The following FAM135A variants were observed in gnomAD, a reference collection of about 807,000 sequenced individuals.
FAM135A encodes the protein protein FAM135A.
A neutral mutation model predicts 146.8 loss-of-function variants in FAM135A; 79 were observed. That is an observed-to-expected ratio of 0.54 (90% CI 0.45 to 0.65). The LOEUF is 0.65. FAM135A is among the 30% of genes least tolerant of loss of function. The pLI, the probability that FAM135A is intolerant of heterozygous loss-of-function variation, is 0.00. For synonymous variants in FAM135A, 562 were observed against 603.6 expected (o/e 0.93, Z 1.01); for missense variants, 1,623 against 1,758.2 (o/e 0.92, Z 1.38).
intron 12 of FAM135A, among the ~76,000 whole-genome samples, chr6:70,521,042 GTCTTTGTTTCCTCACC>G (rs1793457602): frequency 6.6e-6 from 1 of 152,140 alleles, no homozygotes; most frequent in South Asian, 2.1e-4. Flanking sequence ...ACCTCTTTGT[GTCTTTGTTTCCTCACC>G]TATTAAATGA....
At position 70,533,815 on chromosome 6, in the gene FAM135A, A is replaced by G; in HGVS notation, c.3926A>G (p.Gln1309Arg). The part of the protein sequence containing the change: ...MTDRLLDEII[Q>R]YIQIYSLTVS... ...GATCGTCTTTTGGATGAGATAATAC[A>G]GTATATTCAGATATATAGTCTAACA... Residue 1309 changes from glutamine (Q) to arginine (R), a missense_variant, in exon 18 of 22, where the codon CAG becomes CGG. Physicochemically the swap from Gln to Arg is conservative, Grantham distance 43. Transcript: ENST00000418814. 1.3e-6 allele frequency: 2 copies of G among 1,574,202 alleles called. No homozygotes were observed. The highest frequency in any genetic ancestry group is 1.2e-5 in the South Asian group (1 of 81,890).
intron 4 of FAM135A, among the ~76,000 whole-genome samples, chr6:70,433,467 G>T (rs1036152731): frequency 6.6e-6 from 1 of 151,856 alleles, no homozygotes; most frequent in Non-Finnish European, 1.5e-5. Flanking sequence ...AGGACATAAG[G>T]CCATCCTTGT....
chr6:70,422,931 T>A (rs2127727598), intron 2 of FAM135A, among the ~76,000 whole-genome samples: 1 of 152,234 alleles, frequency 6.6e-6, no homozygotes, highest in South Asian at 2.1e-4. Context: ...ATTTAGTATG[T>A]TAGGTGGGGA....
intron 5 of FAM135A, among the ~76,000 whole-genome samples, chr6:70,462,763 A>G (rs1018181277): frequency 3.9e-5 from 6 of 152,186 alleles, no homozygotes; most frequent in African/African-American, 1.2e-4. Flanking sequence ...GCTTTTAGGT[A>G]GGTGATAGCA....
intron 20 of FAM135A, among the ~76,000 whole-genome samples, chr6:70,546,362 G>T (rs1041683243): frequency 6.6e-6 from 1 of 152,132 alleles, no homozygotes; most frequent in Non-Finnish European, 1.5e-5. Context: ...TCTGAACAGC[G>T]AATTTTCCGT....
intron 12 of FAM135A, among the ~76,000 whole-genome samples, chr6:70,508,829 A>T (rs2747707): frequency 0.02 from 3,085 of 152,336 alleles, 55 homozygotes; most frequent in Non-Finnish European, 0.029. Context: ...ATATAAGTAT[A>T]TCTGGTGCAA....
At chr6:70,517,670 C>T (rs1252584427) in intron 12 of FAM135A, among the ~76,000 whole-genome samples, 4 of 152,084 alleles carry the variant, frequency 2.6e-5, no homozygotes, top group East Asian at 1.9e-4. Context: ...CCACCTGCCT[C>T]GGCCTCCCAT....
At chr6:70,431,299 C>G (rs1446948668) in intron 4 of FAM135A, among the ~76,000 whole-genome samples, 1 of 152,166 alleles carries the variant, frequency 6.6e-6, no homozygotes, top group South Asian at 2.1e-4. Context: ...TTCTACTGAT[C>G]TAGGGTGGCT....
chr6:70,546,162 A>G (rs554467377), intron 20 of FAM135A, among the ~76,000 whole-genome samples: 1 of 152,328 alleles, frequency 6.6e-6, no homozygotes, highest in African/African-American at 2.4e-5. Context: ...ACAAAATAGA[A>G]TATATAGGTT....
At chr6:70,532,353 TA>T (rs1795991816) in intron 16 of FAM135A, among the ~76,000 whole-genome samples, 1 of 152,262 alleles carries the variant, frequency 6.6e-6, no homozygotes, top group Non-Finnish European at 1.5e-5. Context: ...ATCTGTATTG[TA>T]AGTATATGTG....
intron 12 of FAM135A, among the ~76,000 whole-genome samples, chr6:70,521,156 G>T (rs1452819997): frequency 2.6e-5 from 4 of 152,188 alleles, no homozygotes; most frequent in East Asian, 3.9e-4. Context: ...TTAAGTCAAA[G>T]AATTAGAATA....
intron 12 of FAM135A, among the ~76,000 whole-genome samples, chr6:70,513,777 C>T (rs932125782): frequency 3.3e-5 from 5 of 151,984 alleles, no homozygotes; most frequent in Admixed American, 6.6e-5. Context: ...TGGTCAATAG[C>T]GTTATTTAAC....
chr6:70,472,000 A>G (rs925331212), intron 5 of FAM135A, among the ~76,000 whole-genome samples: 1 of 152,160 alleles, frequency 6.6e-6, no homozygotes, highest in Non-Finnish European at 1.5e-5. Flanking sequence ...CAGGGTTTAT[A>G]GAGTACAAAA....
At chr6:70,427,252 C>T (rs766335611) in intron 3 of FAM135A, among the ~76,000 whole-genome samples, 3 of 152,016 alleles carry the variant, frequency 2.0e-5, no homozygotes, top group Non-Finnish European at 4.4e-5. Context: ...CAATTAATGG[C>T]CGGGGGCGGT....
At chr6:70,434,799 A>G (rs1772577614) in intron 4 of FAM135A, among the ~76,000 whole-genome samples, 1 of 152,176 alleles carries the variant, frequency 6.6e-6, no homozygotes, top group Admixed American at 6.5e-5. Context: ...ATATCGTTGG[A>G]ACAGTCAATA....
chr6:70,524,942 A>G lies in FAM135A; in HGVS notation c.1858A>G (p.Ile620Val), dbSNP rs1794365515. Residue 620 changes from isoleucine (I) to valine (V), a missense_variant, in exon 15 of 22, where the codon ATC becomes GTC. This residue lies in a region of FAM135A where 1,061 missense variants were observed against 1,113.8 expected (regional missense o/e 0.95). Coordinates refer to ENST00000418814, the MANE Select transcript of FAM135A (RefSeq NM_001162529.3). ...TTTGTCCATTTCAGGTAAACTTGAT[A>G]TCTCCCAGGACGATAGTGAAATTAC... ...ANLSISGKLD[I>V]SQDDSEITQM... 1 of 1,611,170 alleles carries G rather than the reference A, an allele frequency of 6.2e-7. No individual in the cohort carries two copies. The highest frequency in any genetic ancestry group is 1.3e-5 in the African/African-American group (1 of 74,920).
At chr6:70,473,855 A>G (rs1337527646) in intron 5 of FAM135A, among the ~76,000 whole-genome samples, 1 of 152,026 alleles carries the variant, frequency 6.6e-6, no homozygotes, top group East Asian at 1.9e-4. Context: ...TATCCCTTTC[A>G]GATTCCTACA....
Position 70,525,711 on chromosome 6 carries a change from C to G in FAM135A, c.2627C>G (p.Thr876Arg), listed in dbSNP as rs61742959. 3.7e-6 allele frequency: 6 copies of G among 1,612,594 alleles called. No homozygotes were observed. Among genetic ancestry groups the G allele is most frequent in the Admixed American group, 1.7e-5 (1 of 59,884 alleles). ...NDSKTVLNLGTTDLPKCDDTK... is the reference protein window; with the variant it reads ...NDSKTVLNLGRTDLPKCDDTK... ...AGCAAAACTGTATTAAATCTAGGAACGACTGATTTGCCAAAATGTGATGAT... is the reference window on the plus strand; with the variant it reads ...AGCAAAACTGTATTAAATCTAGGAAGGACTGATTTGCCAAAATGTGATGAT... The change falls in exon 15 of 22, where the codon ACG becomes AGG. Residue 876 changes from threonine to arginine, a missense_variant. Coordinates refer to ENST00000418814, the MANE Select transcript of FAM135A (RefSeq NM_001162529.3).
chr6:70,428,244 T>G, intron 3 of FAM135A, 60 bp from the exon 4 acceptor site: 1 of 749,524 alleles, frequency 1.3e-6, no homozygotes, highest in Non-Finnish European at 2.1e-6. Context: ...AATAATAGCA[T>G]TTTTATAAGT....
Sources: gnomAD v4.1 joint callset for allele counts (sites outside exome capture counted in the v4.1 genomes callset) on GRCh38, gnomAD v4.1.1 for gene constraint, gnomAD v4.1.1 regional missense constraint, MANE v1.5 for transcripts, NCBI Gene and HGNC (gene_info 2026-07-23, HGNC 2026-07-21) for gene names.